The following NDUFS2 variants were observed in gnomAD, a reference collection of about 807,000 sequenced individuals.
NDUFS2 encodes NADH dehydrogenase [ubiquinone] iron-sulfur protein 2, mitochondrial.
Under a neutral mutation model 69.6 loss-of-function variants are expected in NDUFS2, and 38 were observed. The observed-to-expected ratio is 0.55, with a 90% confidence interval of 0.42 to 0.72. The LOEUF (loss-of-function observed/expected upper bound fraction) is 0.72, where lower values mean the gene tolerates loss of function less well. Ranked by LOEUF, NDUFS2 falls within the 30% of genes least tolerant of loss-of-function variation. The pLI, the probability that NDUFS2 is intolerant of heterozygous loss-of-function variation, is 0.00. For missense variants in NDUFS2, 468 were observed against 595.0 expected, an observed-to-expected ratio of 0.79 and a Z score of 2.22; for synonymous variants, 194 against 211.2, an observed-to-expected ratio of 0.92 and a Z score of 0.70.
rs1328574022 is a variant in NDUFS2, at chr1:161,202,438, T to G, written c.53T>G (p.Leu18Arg). Residue 18 changes from leucine (L) to arginine (R), a missense_variant, in exon 1 of 14, where the codon CTG becomes CGG. By Grantham distance (102) the Leu-to-Arg change is moderately radical (BLOSUM62 -2). This residue lies in a region of NDUFS2 where 57 missense variants were observed against 42.3 expected (regional missense o/e 1.35). Transcript: ENST00000676972. ...CGFRGVAAQV[L>R]RPGAGVRLPI... Reference sequence around the variant, plus strand: ...TTCCGGGGCGTCGCGGCCCAGGTGCTGCGGCCTGGGGCTGGAGTCCGATTG... The same window carrying G: ...TTCCGGGGCGTCGCGGCCCAGGTGCGGCGGCCTGGGGCTGGAGTCCGATTG... The G allele has an allele frequency of 1.2e-6, 2 of 1,612,726 alleles. No individual in the cohort carries two copies. The highest frequency in any genetic ancestry group is 8.5e-7 in the Non-Finnish European group (1 of 1,179,740).
chr1:161,201,628 G>C (rs1036097506), upstream of NDUFS2, among the ~76,000 whole-genome samples: 1 of 152,160 alleles, frequency 6.6e-6, no homozygotes, highest in South Asian at 2.1e-4. Context: ...GACGGAAGTG[G>C]GGTGTGAGGC....
intron 13 of NDUFS2, 117 bp downstream of exon 13, chr1:161,214,038 C>T (rs1665918179): frequency 1.2e-6 from 2 of 1,613,302 alleles, no homozygotes. Context: ...CTCGGGTCCT[C>T]AATCTTTTGA....
intron 10 of NDUFS2, 85 bp from the exon 11 acceptor site, chr1:161,213,295 G>T (rs528067900): frequency 3.5e-6 from 3 of 845,820 alleles, no homozygotes; most frequent in African/African-American, 1.7e-5. Context: ...CTCCCTGAGG[G>T]TAGAGATTAT....
intron 3 of NDUFS2, 40 bp from the exon 4 acceptor site, chr1:161,209,153 G>A: frequency 6.2e-7 from 1 of 1,614,106 alleles, no homozygotes; most frequent in Non-Finnish European, 8.5e-7. Context: ...GTGGGCTCCT[G>A]AGCCTGTTAG....
At chr1:161,210,543 T>C in intron 8 of NDUFS2, 48 bp from the exon 9 acceptor site, 1 of 1,613,670 alleles carries the variant, frequency 6.2e-7, no homozygotes, top group South Asian at 1.1e-5. Flanking sequence ...GGAGCCTCCT[T>C]ACTTAGTTTG....
chr1:161,198,185 G>A (rs1176787186), upstream of NDUFS2: 26 of 1,614,040 alleles, frequency 1.6e-5, no homozygotes, highest in Non-Finnish European at 2.2e-5. The surrounding 1 kb of genome is among the most constrained non-coding windows in gnomAD (Gnocchi z 4.7). Flanking sequence ...GCCTAACAGG[G>A]CTCCCCCATC....
At position 161,213,485 on chromosome 1, in the gene NDUFS2, G is replaced by A; in HGVS notation, c.1212+10G>A. The A allele has an allele frequency of 1.2e-6, 2 of 1,603,628 alleles. No homozygotes were observed. Among genetic ancestry groups the A allele is most frequent in the African/African-American group, 1.3e-5 (1 of 74,858 alleles). ...CATTGAGGCTCCCAAGGTAAGGAGA[G>A]GAGGGGAAGGAAAAGACCATATGTA... On this transcript the variant is annotated intron_variant, in intron 11 of 13. Transcript: ENST00000676972.
rs1665937701 is a variant in NDUFS2, at chr1:161,214,295, G to A, written c.*102G>A. 1 of 1,112,820 alleles carries A rather than the reference G, an allele frequency of 9.0e-7. No homozygotes were observed. Among genetic ancestry groups the A allele is most frequent in the Non-Finnish European group, 1.4e-6 (1 of 737,538 alleles). The allele number at this position is 1,112,820 out of a possible 1,614,324, so 68.9% of individuals were successfully genotyped here. ...TGTGTGTGTGTGTGTGTGTGTGTGT[G>A]TGTGTATGTTCATGTACACTTGGCT... is the stretch of plus-strand genomic sequence containing the variant. On this transcript the variant is annotated 3_prime_UTR_variant, in exon 14 of 14. Transcript: ENST00000676972.
chr1:161,205,000 G>A (rs1243586189), intron 2 of NDUFS2, among the ~76,000 whole-genome samples: 2 of 151,176 alleles, frequency 1.3e-5, no homozygotes, highest in African/African-American at 4.9e-5. Flanking sequence ...GCAGTGAACC[G>A]AGATCACGCC....
chr1:161,198,728 A>G, upstream of NDUFS2: 1 of 1,165,968 alleles, frequency 8.6e-7, no homozygotes, highest in Non-Finnish European at 1.2e-6. This position sits in a 1 kb window ranked among gnomAD's most constrained non-coding sequence, Gnocchi z 4.7. Flanking sequence ...GGGGGCTTGG[A>G]CTCCTGCCAA....
chr1:161,202,309 G>A (rs1027181151), upstream of NDUFS2: 3 of 1,425,424 alleles, frequency 2.1e-6, no homozygotes, highest in Non-Finnish European at 2.9e-6. Context: ...TGTGCGAATA[G>A]GTGAGAAGCC....
At chr1:161,208,836 T>C (rs1665616970) in intron 3 of NDUFS2, among the ~76,000 whole-genome samples, 1 of 152,246 alleles carries the variant, frequency 6.6e-6, no homozygotes, top group Admixed American at 6.5e-5. Flanking sequence ...AGGTATTTGC[T>C]TTGAATGTGT....
chr1:161,206,735 T>A, intron 3 of NDUFS2, 138 bp downstream of exon 3: 1 of 899,116 alleles, frequency 1.1e-6, no homozygotes, highest in Non-Finnish European at 1.7e-6. Flanking sequence ...CTTGGTTGGG[T>A]GGATGGAGGG....
chr1:161,197,975 CAG>C, upstream of NDUFS2: 1 of 1,538,152 alleles, frequency 6.5e-7, no homozygotes. Context: ...CCGCAGGACA[CAG>C]ACTCCAGAGA....
At chr1:161,208,025 C>A (rs1241653107) in intron 3 of NDUFS2, among the ~76,000 whole-genome samples, 17 of 134,940 alleles carry the variant, frequency 1.3e-4, no homozygotes, top group African/African-American at 4.8e-4. Context: ...ACTCTTGTTG[C>A]CCAGGCTGGA....
chr1:161,203,619 A>C, intron 2 of NDUFS2, 76 bp downstream of exon 2: 1 of 1,253,750 alleles, frequency 8.0e-7, no homozygotes, highest in South Asian at 1.3e-5. Flanking sequence ...TTTTTGAGAC[A>C]GGGTTTCCCT....
rs1665659614 is a variant in NDUFS2 at position 161,209,612 on chromosome 1, A to G, written c.627+17A>G. 2 of 1,589,482 alleles carry G rather than the reference A, an allele frequency of 1.3e-6. No homozygotes were observed. Among genetic ancestry groups the G allele is most frequent in the African/African-American group, 1.3e-5 (1 of 74,462 alleles). ...AGGGAGAAGGTAAGAGTGGGAGGAA[A>G]GGATAGGAATAGGGAAGGAAGTGCA... On this transcript the variant is annotated intron_variant, in intron 5 of 13. Transcript: ENST00000676972.
intron 3 of NDUFS2, 81 bp from the exon 4 acceptor site, chr1:161,209,112 G>A (rs375553586): frequency 3.4e-5 from 55 of 1,602,210 alleles, no homozygotes; most frequent in Non-Finnish European, 4.3e-5. Flanking sequence ...TTCTGGTGCC[G>A]ACTGAGAGCA....
At chr1:161,203,687 C>G in intron 2 of NDUFS2, 144 bp downstream of exon 2, 1 of 740,708 alleles carries the variant, frequency 1.4e-6, no homozygotes, top group Non-Finnish European at 2.4e-6. Flanking sequence ...CCTTGAACTT[C>G]TGGGCTCAAG....
Sources: allele counts gnomAD v4.1 joint callset (sites outside exome capture counted in the v4.1 genomes callset), GRCh38; gene constraint gnomAD v4.1.1; regional missense constraint gnomAD v4.1.1; non-coding constraint Gnocchi (gnomAD v3.1); transcripts MANE v1.5; gene names NCBI Gene and HGNC (gene_info 2026-07-23, HGNC 2026-07-21).